Variants in TBCD observed in about 807,000 individuals in gnomAD.
The protein encoded by TBCD is tubulin-specific chaperone D.
A neutral mutation model predicts 169.3 loss-of-function variants in TBCD; 105 were observed. The ratio of observed to expected loss-of-function variants is 0.62; its 90% CI spans 0.53 to 0.73. The LOEUF (loss-of-function observed/expected upper bound fraction) is 0.73, where lower values mean the gene tolerates loss of function less well. TBCD is among the 30% of genes least tolerant of loss of function. The pLI is 0.00. For missense variants in TBCD, 1,444 were observed against 1,600.1 expected (o/e 0.90, Z 1.66); for synonymous variants, 700 against 643.9 (o/e 1.09, Z -1.32).
At chr17:82,855,993 C>CCTTTTTTTT (rs373747821) in intron 13 of TBCD, among the ~76,000 whole-genome samples, 2 of 66,274 alleles carry the variant, frequency 3.0e-5, no homozygotes, top group African/African-American at 7.0e-5. Flanking sequence ...TCCCCCCCCA[C>CCTTTTTTTT]TTTTTTTTTT....
chr17:82,831,746 G>A lies in TBCD; in HGVS notation c.1318+16812G>A, dbSNP rs1417497971. ...TGAGGCGGGTACTCTGGGATTGTGG[G>A]GTGCATGTAAGGGGAAATGGCCCCA... On this transcript the variant is annotated intron_variant, in intron 13 of 38. Transcript: ENST00000355528. The surrounding 1 kb of genome is among the most constrained non-coding windows in gnomAD (Gnocchi z 4.6). 6.2e-7 allele frequency: 1 copy of A among 1,614,152 alleles called. No homozygotes were observed. The highest frequency in any genetic ancestry group is 1.7e-5 in the Admixed American group (1 of 60,016).
At chr17:82,849,965 TGGC>T (rs1448237380) in intron 13 of TBCD, among the ~76,000 whole-genome samples, 16 of 149,748 alleles carry the variant, frequency 1.1e-4, no homozygotes, top group African/African-American at 4.0e-4. Context: ...GTGCTGCTGT[TGGC>T]TGTGCTGCTG....
chr17:82,857,153 G>T (rs2056381612), intron 13 of TBCD, among the ~76,000 whole-genome samples: 3 of 152,228 alleles, frequency 2.0e-5, no homozygotes, highest in Non-Finnish European at 4.4e-5. Context: ...ATTATAATCA[G>T]CCTCGTAGGT....
At chr17:82,859,674 A>G in intron 13 of TBCD, 1 of 985,450 alleles carries the variant, frequency 1.0e-6, no homozygotes, top group Non-Finnish European at 1.2e-6. Flanking sequence ...CCTGAGGACC[A>G]GCAGAGGCTG....
chr17:82,907,018 G>A (rs1243018706), intron 20 of TBCD, among the ~76,000 whole-genome samples: 1 of 152,236 alleles, frequency 6.6e-6, no homozygotes, highest in African/African-American at 2.4e-5. Flanking sequence ...CCTGTGAGGT[G>A]TCTATCAGGG....
intron 13 of TBCD, among the ~76,000 whole-genome samples, 170 bp downstream of exon 13, chr17:82,815,104 C>A (rs931807936): frequency 6.6e-6 from 1 of 152,190 alleles, no homozygotes; most frequent in South Asian, 2.1e-4. Context: ...CCCATCTCCG[C>A]GGTGTGGCCC....
intron 21 of TBCD, 48 bp downstream of exon 21, chr17:82,907,869 T>C (rs1164496879): frequency 1.9e-6 from 3 of 1,590,716 alleles, no homozygotes; most frequent in African/African-American, 1.3e-5. Context: ...TCACAGGACC[T>C]GCCCCCTTAG....
chr17:82,816,008 T>C (rs1426154186), intron 13 of TBCD, among the ~76,000 whole-genome samples: 1 of 152,178 alleles, frequency 6.6e-6, no homozygotes, highest in Non-Finnish European at 1.5e-5. Flanking sequence ...TAATTTAATT[T>C]CCGAACATTT....
Position 82,930,663 on chromosome 17 carries a change from G to A in TBCD, c.3113+20G>A, listed in dbSNP as rs1455874978. 6.2e-7 allele frequency: 1 copy of A among 1,613,846 alleles called. No homozygotes were observed. Among genetic ancestry groups the A allele is most frequent in the Non-Finnish European group, 8.5e-7 (1 of 1,179,830 alleles). ...TGAGAGGTGAGTGGTGTCTCTTGGG[G>A]CCTCAGAGGCGTGAGTGGTGCTGGT... On this transcript the variant is annotated intron_variant, in intron 33 of 38. Coordinates refer to ENST00000355528, the MANE Select transcript of TBCD (RefSeq NM_005993.5). The surrounding 1 kb of genome is among the most constrained non-coding windows in gnomAD (Gnocchi z 5.2).
Position 82,922,245 on chromosome 17 carries a change from C to T in TBCD, c.2178+668C>T, listed in dbSNP as rs1226571563. Among the ~76,000 whole-genome samples the T allele has an allele frequency of 6.6e-6, 1 of 152,142 alleles. No homozygotes were observed. Among genetic ancestry groups the T allele is most frequent in the African/African-American group, 2.4e-5 (1 of 41,422 alleles). On this transcript the variant is annotated intron_variant, in intron 25 of 38. Transcript: ENST00000355528. The surrounding 1 kb of genome is among the most constrained non-coding windows in gnomAD (Gnocchi z 4.1). ...GCGAGGTGGCGCGTGCCTGTAATCC[C>T]AGCTACTCAAGAGGCTGAGGCAGGA... is the stretch of plus-strand genomic sequence containing the variant.
intron 13 of TBCD, among the ~76,000 whole-genome samples, chr17:82,856,593 C>G (rs1259363972): frequency 1.3e-5 from 2 of 152,232 alleles, no homozygotes; most frequent in African/African-American, 4.8e-5. Flanking sequence ...TATCAGGGCC[C>G]TTACACAGTT....
In TBCD at chr17:82,923,115, C is replaced by T. The variant is rs374801163; in HGVS notation, c.2179-537C>T. On this transcript the variant is annotated intron_variant, in intron 25 of 38. Transcript: ENST00000355528. This position sits in a 1 kb window ranked among gnomAD's most constrained non-coding sequence, Gnocchi z 4.6. Reference sequence around the variant, plus strand: ...TCTAAATGAGGCTGACGTGGCTTGGCCTGAAGGCCCTGCCCCGTTACTCTG... The same window carrying T: ...TCTAAATGAGGCTGACGTGGCTTGGTCTGAAGGCCCTGCCCCGTTACTCTG... Among the ~76,000 whole-genome samples the T allele has an allele frequency of 6.6e-6, 1 of 152,218 alleles. No homozygotes were observed. The highest frequency in any genetic ancestry group is 1.9e-4 in the East Asian group (1 of 5,192).
At chr17:82,799,182 C>T (rs539991965) in intron 8 of TBCD, among the ~76,000 whole-genome samples, 5 of 152,276 alleles carry the variant, frequency 3.3e-5, no homozygotes, top group Admixed American at 2.0e-4. Context: ...TTGTGGCTCA[C>T]GCCTGTAATC....
rs892788101 is a variant in TBCD at position 82,915,690 on chromosome 17, AG to A, written c.2038+3905del. Among the ~76,000 whole-genome samples, 2 of 152,258 alleles carry A rather than the reference AG, an allele frequency of 1.3e-5. No individual in the cohort carries two copies. Among genetic ancestry groups the A allele is most frequent in the Admixed American group, 1.3e-4 (2 of 15,300 alleles). ...TGCTCACATGTGGATCACCGAGGGC[AG>A]GGGCCGGGAGGAAGGGGGTCATCTG... On this transcript the variant is annotated intron_variant, in intron 23 of 38. Transcript: ENST00000355528. This position sits in a 1 kb window ranked among gnomAD's most constrained non-coding sequence, Gnocchi z 4.3.
rs767059052 is a variant in TBCD at position 82,932,665 on chromosome 17, G to T, written c.3121G>T (p.Val1041Leu). 17 of 1,613,204 alleles carry T rather than the reference G, an allele frequency of 1.1e-5. No homozygotes were observed. The highest frequency in any genetic ancestry group is 1.4e-5 in the Non-Finnish European group (16 of 1,179,760). ...EDNLLNERVS[V>L]PLLKTLDHVL... ...AGCTCCTTCTCCCCTCAGGGTGTCC[G>T]TGCCGCTGCTGAAGACGCTGGACCA... Residue 1041 changes from valine (V) to leucine (L), a missense_variant, in exon 34 of 39, where the codon GTG becomes TTG. By Grantham distance (32) the Val-to-Leu change is conservative (BLOSUM62 1). Coordinates refer to ENST00000355528, the MANE Select transcript of TBCD (RefSeq NM_005993.5).
At position 82,884,063 on chromosome 17, in the gene TBCD, A is replaced by G; in HGVS notation, c.1476-82A>G. 7.2e-7 allele frequency: 1 copy of G among 1,391,796 alleles called. No individual in the cohort carries two copies. Among genetic ancestry groups the G allele is most frequent in the East Asian group, 2.5e-5 (1 of 40,092 alleles). 86.2% of individuals were successfully genotyped at this position (1,391,796 alleles called of 1,614,324 possible). A position where few individuals can be genotyped will look rare whatever the true frequency, so the allele number is the denominator to read the frequency against. On this transcript the variant is annotated intron_variant, in intron 14 of 38. Transcript: ENST00000355528. This position sits in a 1 kb window ranked among gnomAD's most constrained non-coding sequence, Gnocchi z 4.2. ...ACCTCAAGTGGGCCTGAGTCGTGAG[A>G]GAAAGGCTTTCTCATCGATACTGTG...
intron 16 of TBCD, among the ~76,000 whole-genome samples, chr17:82,891,521 A>G (rs569800547): frequency 1.5e-4 from 23 of 152,350 alleles, no homozygotes; most frequent in African/African-American, 5.5e-4. Flanking sequence ...CCGCACGGCC[A>G]TGTCCTGCTG....
intron 5 of TBCD, among the ~76,000 whole-genome samples, chr17:82,768,805 A>T (rs928247127): frequency 6.6e-6 from 1 of 152,236 alleles, no homozygotes; most frequent in African/African-American, 2.4e-5. Context: ...GAGGGTAATC[A>T]TGGCAGATAA....
chr17:82,907,749 G>T lies in TBCD; in HGVS notation c.1923-12G>T. On this transcript the variant is annotated splice_polypyrimidine_tract_variant and intron_variant, in intron 20 of 38. Transcript: ENST00000355528. ...GGAGTGTGACTTCAGCTCTGTGTTT[G>T]AACTTCTGCAGGCCCGTCACGGACC... 1 of 1,613,580 alleles carries T rather than the reference G, an allele frequency of 6.2e-7. No homozygotes were observed. Among genetic ancestry groups the T allele is most frequent in the South Asian group, 1.1e-5 (1 of 90,940 alleles).
Sources: allele counts gnomAD v4.1 joint callset (sites outside exome capture counted in the v4.1 genomes callset), GRCh38; gene constraint gnomAD v4.1.1; non-coding constraint Gnocchi (gnomAD v3.1); transcripts MANE v1.5; gene names NCBI Gene and HGNC (gene_info 2026-07-23, HGNC 2026-07-21).